The following KRAS variants were observed in gnomAD, a reference collection of about 807,000 sequenced individuals.
KRAS encodes the protein KRas proto-oncogene, GTPase, also known as GTPase KRas.
KRAS carries 1 observed loss-of-function variant against 21.0 expected under a neutral mutation model. The ratio of observed to expected loss-of-function variants is 0.05; its 90% CI spans 0.02 to 0.23. The LOEUF (loss-of-function observed/expected upper bound fraction) is 0.23, where lower values mean the gene tolerates loss of function less well. Ranked by LOEUF, KRAS falls within the 10% of genes least tolerant of loss-of-function variation. KRAS has a pLI of 1.00. For missense variants in KRAS, 107 were observed against 221.8 expected (o/e 0.48, Z 3.29); for synonymous variants, 67 against 72.5 (o/e 0.92, Z 0.39).
rs1477971765 is a variant in KRAS at position 25,226,702 on chromosome 12, GTAT to G, written c.290+529_290+531del. ...CCTCAAAGAAATAGAATATAAAATA[GTAT>G]AATAATGATTATTTTAATAGTTTTA... On this transcript the variant is annotated intron_variant, in intron 3 of 4. Coordinates refer to ENST00000311936, the MANE Select transcript of KRAS (RefSeq NM_004985.5). Among the ~76,000 whole-genome samples the G allele has an allele frequency of 3.9e-5, 6 of 152,092 alleles. No individual in the cohort carries two copies. In the South Asian group the frequency reaches 6.2e-4, roughly 16 times the overall value.
At chr12:25,218,896 T>C (rs1951284571) in intron 4 of KRAS, among the ~76,000 whole-genome samples, 1 of 151,966 alleles carries the variant, frequency 6.6e-6, no homozygotes, top group Non-Finnish European at 1.5e-5. Context: ...TTGCCACATA[T>C]ACTCATTTTG....
At chr12:25,216,688 G>A (rs1951259466) in intron 4 of KRAS, among the ~76,000 whole-genome samples, 1 of 152,140 alleles carries the variant, frequency 6.6e-6, no homozygotes, top group South Asian at 2.1e-4. Context: ...ACATAAGAGA[G>A]CTATGACAAC....
intron 4 of KRAS, among the ~76,000 whole-genome samples, chr12:25,222,519 A>T (rs1592804377): frequency 6.6e-6 from 1 of 152,218 alleles, no homozygotes; most frequent in Non-Finnish European, 1.5e-5. Flanking sequence ...TTACATAATA[A>T]CATCAGTGAA....
At chr12:25,232,003 C>CT (rs1175747269) in intron 2 of KRAS, among the ~76,000 whole-genome samples, 2 of 151,914 alleles carry the variant, frequency 1.3e-5, no homozygotes, top group Admixed American at 1.3e-4. Flanking sequence ...GTTCCAAGAC[C>CT]CCCCCAGCCT....
chr12:25,212,631 C>T (rs1291352037), intron 4 of KRAS, among the ~76,000 whole-genome samples: 1 of 152,134 alleles, frequency 6.6e-6, no homozygotes, highest in Non-Finnish European at 1.5e-5. Context: ...ACAACCTACA[C>T]AGAGCAATGA....
intron 4 of KRAS, among the ~76,000 whole-genome samples, chr12:25,219,655 CA>C (rs928625464): frequency 2.0e-5 from 3 of 152,154 alleles, no homozygotes; most frequent in Non-Finnish European, 2.9e-5. Flanking sequence ...TTCTAAAACC[CA>C]ACTGTGCATC....
chr12:25,211,623 G>A (rs961631121), intron 4 of KRAS, among the ~76,000 whole-genome samples: 2 of 152,016 alleles, frequency 1.3e-5, no homozygotes, highest in Admixed American at 6.6e-5. Flanking sequence ...CTCCTTTACT[G>A]TACTACTAAG....
intron 4 of KRAS, chr12:25,225,315 T>TATATATGTAACCATGGGAAAAAAAA (rs1951378322): frequency 2.6e-5 from 1 of 38,950 alleles, no homozygotes; most frequent in Non-Finnish European, 7.1e-5. Flanking sequence ...TATATATATA[T>TATATATGTAACCATGGGAAAAAAAA]ATATATATAT....
intron 2 of KRAS, among the ~76,000 whole-genome samples, chr12:25,230,876 T>G (rs1003531489): frequency 1.3e-5 from 2 of 152,142 alleles, no homozygotes; most frequent in Admixed American, 6.5e-5. Flanking sequence ...GATTTGAGCA[T>G]TCAGTTGACA....
At chr12:25,221,074 C>G (rs1323544466) in intron 4 of KRAS, among the ~76,000 whole-genome samples, 1 of 147,854 alleles carries the variant, frequency 6.8e-6, no homozygotes, top group East Asian at 2.0e-4. Flanking sequence ...ATTTCTATTT[C>G]CTTTCCATGA....
intron 2 of KRAS, among the ~76,000 whole-genome samples, chr12:25,240,221 AAAT>A (rs1951593793): frequency 6.6e-6 from 1 of 152,182 alleles, no homozygotes; most frequent in Non-Finnish European, 1.5e-5. Flanking sequence ...ACACATTATG[AAAT>A]AATAATGGTT....
At chr12:25,243,332 TA>T (rs1420423504) in intron 2 of KRAS, among the ~76,000 whole-genome samples, 2 of 152,200 alleles carry the variant, frequency 1.3e-5, no homozygotes, top group Non-Finnish European at 2.9e-5. Context: ...CCCAGGTGAC[TA>T]AACTACGTCA....
At chr12:25,235,098 C>T (rs1222833572) in intron 2 of KRAS, 1 of 395,748 alleles carries the variant, frequency 2.5e-6, no homozygotes, top group African/African-American at 2.0e-5. Context: ...CCATGAGATG[C>T]TCTTCTCAAT....
At chr12:25,237,447 C>T (rs1409453507) in intron 2 of KRAS, among the ~76,000 whole-genome samples, 3 of 151,968 alleles carry the variant, frequency 2.0e-5, no homozygotes, top group East Asian at 1.9e-4. Flanking sequence ...AAGGGGAGGG[C>T]GAAGGAAAAG....
At chr12:25,250,037 T>G (rs1437804806) in intron 1 of KRAS, among the ~76,000 whole-genome samples, 3 of 152,106 alleles carry the variant, frequency 2.0e-5, no homozygotes, top group African/African-American at 7.2e-5. Flanking sequence ...TCCTCCTTTG[T>G]GGCCACAGCA....
At chr12:25,235,269 G>A (rs1471555128) in intron 2 of KRAS, 6 of 526,224 alleles carry the variant, frequency 1.1e-5, no homozygotes, top group Admixed American at 7.9e-5. Context: ...TAATGCTCAA[G>A]TACTTTACGT....
At chr12:25,242,614 C>T (rs1314909463) in intron 2 of KRAS, among the ~76,000 whole-genome samples, 1 of 152,146 alleles carries the variant, frequency 6.6e-6, no homozygotes, top group African/African-American at 2.4e-5. Context: ...TACAAACATA[C>T]TCCATCTATG....
intron 1 of KRAS, among the ~76,000 whole-genome samples, chr12:25,248,343 G>A (rs1413873175): frequency 6.8e-6 from 1 of 146,932 alleles, no homozygotes; most frequent in African/African-American, 2.5e-5. Context: ...CCGGCTACTC[G>A]GGAAGCTGAG....
chr12:25,234,257 G>C (rs891395136), intron 2 of KRAS: 1 of 175,746 alleles, frequency 5.7e-6, no homozygotes, highest in Non-Finnish European at 1.2e-5. Context: ...CACATTTATG[G>C]GAGGGAAGAA....
Sources: gnomAD v4.1 joint callset for allele counts (sites outside exome capture counted in the v4.1 genomes callset) on GRCh38, gnomAD v4.1.1 for gene constraint, MANE v1.5 for transcripts, NCBI Gene and HGNC (gene_info 2026-07-23, HGNC 2026-07-21) for gene names.